Variants in AGRN observed in about 807,000 individuals in gnomAD.
AGRN encodes agrin proteoglycan.
In AGRN, 106 loss-of-function variants were observed where a neutral mutation model predicts 211.0. The ratio of observed to expected loss-of-function variants is 0.50; its 90% confidence interval spans 0.43 to 0.59. The LOEUF (loss-of-function observed/expected upper bound fraction) is 0.59, where lower values mean the gene tolerates loss of function less well. Among genes scored for constraint, AGRN ranks in the 20% least tolerant of loss-of-function variants. AGRN has a pLI of 0.00. For missense variants in AGRN, 3,040 were observed against 2,982.6 expected (o/e 1.02, Z -0.45); for synonymous variants, 1,525 against 1,332.5 (o/e 1.14, Z -3.15).
In AGRN at chr1:1,034,053, G is replaced by A. The variant is rs1644740445; in HGVS notation, c.464-1224G>A. The A allele has an allele frequency of 5.5e-6, 5 of 913,852 alleles. No homozygotes were observed. The South Asian group carries it at 2.5e-4, about 46-fold the overall frequency. The allele number at this position is 913,852 out of a possible 1,614,324, so 56.6% of individuals were successfully genotyped here. A position where few individuals can be genotyped will look rare whatever the true frequency, so the allele number is the denominator to read the frequency against. The stretch of plus-strand genomic sequence containing the variant: ...TGGAGGGAGCCCGGGACCCGGCGCG[G>A]CCTCCGCAGGCGGCGCTTTCTTCTC... On this transcript the variant is annotated intron_variant, in intron 2 of 35. Transcript: ENST00000379370.
At chr1:1,034,835 G>C (rs9442364) in intron 2 of AGRN, 283,904 of 513,946 alleles carry the variant, frequency 0.55, 81,326 homozygotes, top group East Asian at 0.79. Flanking sequence ...GTCACTCTGC[G>C]GACCCCTCGG....
intron 2 of AGRN, among the ~76,000 whole-genome samples, chr1:1,033,346 C>T (rs962082508): frequency 2.0e-5 from 3 of 151,860 alleles, no homozygotes; most frequent in Non-Finnish European, 2.9e-5. Context: ...GCCGCGGGCG[C>T]AGACACTCGC....
rs186518388 is a variant in AGRN, at chr1:1,045,960, C to T, written c.2681-4C>T. On this transcript the variant is annotated splice_polypyrimidine_tract_variant and splice_region_variant and intron_variant, in intron 15 of 35. Transcript: ENST00000379370. ...CACAGAGGTTTCCCATGCCCGTGCC[C>T]CAGACGCTTCTGCGCCTGCGACCTG... 1,792 of 1,613,462 alleles carry T rather than the reference C, an allele frequency of 1.1e-3. 2 individuals carry two copies. Among genetic ancestry groups the T allele is most frequent in the Non-Finnish European group, 1.4e-3 (1,631 of 1,179,984 alleles).
intron 2 of AGRN, among the ~76,000 whole-genome samples, chr1:1,033,576 A>G (rs1570166208): frequency 9.4e-6 from 1 of 106,360 alleles, no homozygotes; most frequent in Non-Finnish European, 2.0e-5. Context: ...GCCCAGCCCC[A>G]CCGCTGCCCT....
intron 3 of AGRN, among the ~76,000 whole-genome samples, chr1:1,036,006 G>A (rs1327151269): frequency 1.3e-5 from 2 of 152,142 alleles, no homozygotes; most frequent in Middle Eastern, 3.2e-3. Context: ...AACACAGACG[G>A]GGGGACCGGT....
chr1:1,054,835 G>T lies in AGRN; in HGVS notation c.5992G>T (p.Glu1998Ter), dbSNP rs1391410827. The change falls in exon 36 of 36, where the codon GAG becomes TAG. Residue 1998 changes from glutamate (E) to a stop codon, truncating the protein, a stop_gained. Transcript: ENST00000379370. LOFTEE classifies it high-confidence loss of function. ...TGTCTGTGCTGCAGGGGGCCTGCCG[G>T]AGCTGCCCGTGGGCCCAGCACTGCC... Reference protein sequence around the residue: ...DGALWLGGLPELPVGPALPKA... With the variant: ...DGALWLGGLP 6.4e-7 allele frequency: 1 copy of T among 1,558,852 alleles called. No individual in the cohort carries two copies. Among genetic ancestry groups the T allele is most frequent in the East Asian group, 2.4e-5 (1 of 42,008 alleles).
At chr1:1,034,402 C>T (rs1294332568) in intron 2 of AGRN, 11 of 985,708 alleles carry the variant, frequency 1.1e-5, no homozygotes, top group Non-Finnish European at 1.3e-5. Context: ...CCTGGCACCC[C>T]CAGGGCTGTG....
intron 2 of AGRN, among the ~76,000 whole-genome samples, chr1:1,025,508 T>C (rs1644500834): frequency 6.6e-6 from 1 of 152,060 alleles, no homozygotes; most frequent in South Asian, 2.1e-4. Flanking sequence ...CCCATAGGGC[T>C]GGGGCCAGCC....
At chr1:1,037,459 C>T (rs1371355553) in intron 3 of AGRN, among the ~76,000 whole-genome samples, 1 of 152,228 alleles carries the variant, frequency 6.6e-6, no homozygotes, top group African/African-American at 2.4e-5. Context: ...AGGGCTGGGG[C>T]ATCCTCTCCA....
intron 12 of AGRN, 58 bp downstream of exon 12, chr1:1,044,497 G>T (rs544772712): frequency 2.5e-4 from 374 of 1,525,746 alleles, no homozygotes; most frequent in Non-Finnish European, 2.9e-4. Flanking sequence ...GGGTTTCCGT[G>T]TCTGGATGTG....
chr1:1,044,670 G>A (rs568291925), intron 12 of AGRN, among the ~76,000 whole-genome samples: 137 of 152,210 alleles, frequency 9.0e-4, no homozygotes, highest in Non-Finnish European at 1.1e-3. Context: ...AGTGCTGAGA[G>A]GCAGCGTGAA....
chr1:1,020,676 TGGGGAGGGGGGGCCTTTGCCCGGGC>T (rs1422187177), intron 1 of AGRN, among the ~76,000 whole-genome samples: 3 of 136,190 alleles, frequency 2.2e-5, no homozygotes, highest in African/African-American at 8.0e-5. Flanking sequence ...GAGAGGGGCC[TGGGGAGGGGGGGCCTTTGCCCGGGC>T]GGGGAGCGGG....
chr1:1,041,809 C>A (rs1273897771), intron 6 of AGRN, 107 bp downstream of exon 6: 1 of 395,340 alleles, frequency 2.5e-6, no homozygotes, highest in African/African-American at 2.6e-5. Context: ...GGGCGGCTCC[C>A]CCGGGGGAGG....
In AGRN at chr1:1,052,029, C is replaced by T. The variant is rs560470176; in HGVS notation, c.5651+214C>T. 128 of 1,515,572 alleles carry T rather than the reference C, an allele frequency of 8.4e-5. No homozygotes were observed. The Middle Eastern group carries it at 1.0e-3, about 12-fold the overall frequency. 93.9% of individuals were successfully genotyped at this position (1,515,572 alleles called of 1,614,324 possible). A position where few individuals can be genotyped will look rare whatever the true frequency, so the allele number is the denominator to read the frequency against. On this transcript the variant is annotated intron_variant, in intron 33 of 35. Coordinates refer to ENST00000379370, the MANE Select transcript of AGRN (RefSeq NM_198576.4). ...ATGAGATCCCCGTGTGAGTAGAGCT[C>T]GGCGCCCCCCGCTCCCTCTCACTCC...
intron 2 of AGRN, among the ~76,000 whole-genome samples, chr1:1,033,383 G>C (rs1190346381): frequency 2.0e-5 from 3 of 151,544 alleles, no homozygotes; most frequent in Admixed American, 2.0e-4. Flanking sequence ...ACGCGCACAC[G>C]CGGTCGCACG....
Position 1,032,852 on chromosome 1 carries a change from C to G in AGRN, c.464-2425C>G, listed in dbSNP as rs1408946470. On this transcript the variant is annotated intron_variant, in intron 2 of 35. Coordinates refer to ENST00000379370, the MANE Select transcript of AGRN (RefSeq NM_198576.4). This position sits in a 1 kb window ranked among gnomAD's most constrained non-coding sequence, Gnocchi z 4.7. ...GTGCGGGGGCGCTGAGGTGCGGTCG[C>G]CGAGAGATTCTGGCCTCCAGGGTGG... is the stretch of plus-strand genomic sequence containing the variant. Among the ~76,000 whole-genome samples the G allele has an allele frequency of 6.6e-6, 1 of 152,024 alleles. No homozygotes were observed. The highest frequency in any genetic ancestry group is 1.9e-4 in the East Asian group (1 of 5,174).
intron 13 of AGRN, 22 bp downstream of exon 13, chr1:1,045,299 C>G (rs746134400): frequency 1.2e-6 from 2 of 1,612,020 alleles, no homozygotes; most frequent in Non-Finnish European, 8.5e-7. Flanking sequence ...AGCTCAGCCC[C>G]GACCCCGGGC....
chr1:1,050,763 G>C lies in AGRN; in HGVS notation c.5179G>C (p.Val1727Leu). 6.2e-7 allele frequency: 1 copy of C among 1,603,920 alleles called. No individual in the cohort carries two copies. The highest frequency in any genetic ancestry group is 8.5e-7 in the Non-Finnish European group (1 of 1,177,914). ...AGTCACCCTGGGAGCCTGGACCAGG[G>C]TCTCACTGGAGCGAAACGGCCGCAA... ...EPVTLGAWTR[V>L]SLERNGRKGA... The change falls in exon 30 of 36, where the codon GTC becomes CTC. Residue 1727 changes from valine to leucine, a missense_variant. By Grantham distance (32) the Val-to-Leu change is conservative. Coordinates refer to ENST00000379370, the MANE Select transcript of AGRN (RefSeq NM_198576.4).
Position 1,045,508 on chromosome 1 carries a change from C to T in AGRN, c.2521C>T (p.Arg841Trp), listed in dbSNP as rs745850324. 1.6e-5 allele frequency: 25 copies of T among 1,612,820 alleles called. No individual in the cohort carries two copies. The highest frequency in any genetic ancestry group is 2.2e-5 in the East Asian group (1 of 44,892). ...CTTTCGAGGCATCGTCACCGATGGC[C>T]GGAGTGGCTGTACACGTGAGTGACA... is the stretch of plus-strand genomic sequence containing the variant. ...WNFRGIVTDGRSGCTPCSCDP... is the reference protein window; with the variant it reads ...WNFRGIVTDGWSGCTPCSCDP... Residue 841 changes from arginine (R) to tryptophan (W), a missense_variant, in exon 14 of 36, where the codon CGG becomes TGG. Physicochemically the swap from Arg to Trp is moderately radical, Grantham distance 101 (BLOSUM62 -3). Transcript: ENST00000379370.
Sources: allele counts gnomAD v4.1 joint callset (sites outside exome capture counted in the v4.1 genomes callset), GRCh38; gene constraint gnomAD v4.1.1; non-coding constraint Gnocchi (gnomAD v3.1); transcripts MANE v1.5; gene names NCBI Gene and HGNC (gene_info 2026-07-23, HGNC 2026-07-21).